CHLSN: variants seen among roughly 807,000 people sequenced by gnomAD.
CHLSN encodes the protein cholesin, also known as protein cholesin.
At chr7:1,046,955 G>T in the CHLSN span, among the ~76,000 whole-genome samples, 1 of 152,206 alleles carries the variant, frequency 6.6e-6, no homozygotes, top group Non-Finnish European at 1.5e-5. Context: ...CTAGTAAACC[G>T]GGGCTCGACT....
the CHLSN span, among the ~76,000 whole-genome samples, chr7:1,014,487 G>A: frequency 6.6e-6 from 1 of 152,252 alleles, no homozygotes; most frequent in Admixed American, 6.5e-5. Context: ...TCCCCAGCGT[G>A]AGGCTTCGCC....
At chr7:1,034,734 T>C in the CHLSN span, among the ~76,000 whole-genome samples, 1 of 152,166 alleles carries the variant, frequency 6.6e-6, no homozygotes, top group African/African-American at 2.4e-5. Context: ...TAGTACCCAG[T>C]AGTTATTTTT....
the CHLSN span, among the ~76,000 whole-genome samples, chr7:1,024,092 G>T: frequency 6.6e-6 from 1 of 152,196 alleles, no homozygotes; most frequent in African/African-American, 2.4e-5. Flanking sequence ...CTCCCAAAGT[G>T]CTGGGATTAT....
chr7:987,481 C>A, the CHLSN span: 2 of 1,554,706 alleles, frequency 1.3e-6, no homozygotes, highest in African/African-American at 1.4e-5. Flanking sequence ...GCCGCACGTG[C>A]CCCGCTGCAC....
At chr7:1,066,411 G>C in the CHLSN span, among the ~76,000 whole-genome samples, 1 of 152,258 alleles carries the variant, frequency 6.6e-6, no homozygotes, top group Non-Finnish European at 1.5e-5. Flanking sequence ...CCATGCTGAG[G>C]GACAGGGGAG....
the CHLSN span, among the ~76,000 whole-genome samples, chr7:1,070,645 ACATG>A: frequency 2.0e-5 from 3 of 148,066 alleles, no homozygotes; most frequent in East Asian, 6.1e-4. Flanking sequence ...ACACGGACAC[ACATG>A]CACACACATG....
the CHLSN span, among the ~76,000 whole-genome samples, chr7:1,135,559 G>C: frequency 6.7e-6 from 1 of 149,728 alleles, no homozygotes; most frequent in Admixed American, 6.6e-5. Flanking sequence ...TTGAGGTCAG[G>C]AGTTTGAGAC....
the CHLSN span, among the ~76,000 whole-genome samples, chr7:1,020,354 G>A: frequency 2.6e-5 from 4 of 152,126 alleles, no homozygotes; most frequent in African/African-American, 9.7e-5. Flanking sequence ...GGGGAGGCCC[G>A]CTCTCCTGTC....
At chr7:1,043,238 A>T in the CHLSN span, among the ~76,000 whole-genome samples, 21 of 152,306 alleles carry the variant, frequency 1.4e-4, no homozygotes, top group South Asian at 4.1e-4. Flanking sequence ...AAAAAAAAAA[A>T]ATATTAAAAT....
At chr7:1,060,802 T>C in the CHLSN span, among the ~76,000 whole-genome samples, 2 of 152,210 alleles carry the variant, frequency 1.3e-5, no homozygotes, top group Non-Finnish European at 2.9e-5. Flanking sequence ...GAGCCGGAGC[T>C]GGTGTAAGGG....
chr7:983,637 TCTGGAGGGCTCC>T, the CHLSN span, among the ~76,000 whole-genome samples: 37 of 151,626 alleles, frequency 2.4e-4, no homozygotes, highest in African/African-American at 9.0e-4. Flanking sequence ...GGAGCAGGAG[TCTGGAGGGCTCC>T]CTGGAGGCGG....
the CHLSN span, among the ~76,000 whole-genome samples, chr7:1,005,218 G>A: frequency 2.0e-5 from 3 of 152,210 alleles, no homozygotes; most frequent in Non-Finnish European, 4.4e-5. Context: ...TTGAACCTGG[G>A]AAGCAGAGGT....
At chr7:1,108,768 G>A in the CHLSN span, among the ~76,000 whole-genome samples, 17 of 152,248 alleles carry the variant, frequency 1.1e-4, no homozygotes, top group African/African-American at 3.4e-4. Flanking sequence ...GTGTGCACCC[G>A]CTTTGATGCC....
the CHLSN span, among the ~76,000 whole-genome samples, chr7:981,333 C>T: frequency 2.2e-4 from 33 of 151,832 alleles, no homozygotes; most frequent in Admixed American, 1.9e-3. Flanking sequence ...AAAAAGAGGC[C>T]GGCCCGGCAT....
At chr7:1,089,707 CTT>C in the CHLSN span, among the ~76,000 whole-genome samples, 5,035 of 124,040 alleles carry the variant, frequency 0.041, 253 homozygotes, top group African/African-American at 0.13. Context: ...ATAGGCCAGC[CTT>C]TTTTTTTTTT....
the CHLSN span, chr7:997,597 G>A: frequency 1.2e-5 from 18 of 1,501,646 alleles, no homozygotes; most frequent in Non-Finnish European, 1.5e-5. Flanking sequence ...CCTGCACTGG[G>A]CAGCGGCCCC....
At chr7:1,092,646 C>T in the CHLSN span, 2 of 1,612,920 alleles carry the variant, frequency 1.2e-6, no homozygotes, top group East Asian at 4.5e-5. Context: ...CCCTCACGGG[C>T]CACATTGTCA....
the CHLSN span, among the ~76,000 whole-genome samples, chr7:1,060,668 C>G: frequency 6.6e-6 from 1 of 152,218 alleles, no homozygotes; most frequent in Non-Finnish European, 1.5e-5. Context: ...GGAGCTCAGA[C>G]CCGCGGGACA....
the CHLSN span, among the ~76,000 whole-genome samples, chr7:1,133,924 A>G: frequency 6.6e-6 from 1 of 152,062 alleles, no homozygotes; most frequent in African/African-American, 2.4e-5. Flanking sequence ...CTCCCAACTC[A>G]GCCTCCGGAG....
Sources: allele counts gnomAD v4.1 joint callset (sites outside exome capture counted in the v4.1 genomes callset), GRCh38; gene constraint gnomAD v4.1.1; transcripts MANE v1.5; gene names NCBI Gene and HGNC (gene_info 2026-07-23, HGNC 2026-07-21).